The following MDGA2 variants were observed in gnomAD, a reference collection of about 807,000 sequenced individuals.
MDGA2 encodes MAM domain containing glycosylphosphatidylinositol anchor 2, also known as MAM domain-containing glycosylphosphatidylinositol anchor protein 2.
A neutral mutation model predicts 117.8 loss-of-function variants in MDGA2; 40 were observed. That is an observed-to-expected ratio of 0.34 (90% CI 0.26 to 0.44). The LOEUF (loss-of-function observed/expected upper bound fraction) is 0.44. MDGA2 is among the 20% of genes least tolerant of loss of function. The probability of loss-of-function intolerance (pLI) is 1.00; values close to 1 mark genes in which losing one functional copy is unlikely to be tolerated. For missense variants in MDGA2, 1,123 were observed against 1,250.6 expected, an observed-to-expected ratio of 0.90 and a Z score of 1.54; for synonymous variants, 452 against 439.0, an observed-to-expected ratio of 1.03 and a Z score of -0.37.
intron 8 of MDGA2, among the ~76,000 whole-genome samples, chr14:46,998,394 T>C (rs1007321917): frequency 2.0e-5 from 3 of 152,164 alleles, no homozygotes; most frequent in Admixed American, 6.6e-5. Context: ...CCTAGGGTTA[T>C]ATAAACATAC....
At chr14:47,059,240 G>T in intron 7 of MDGA2, 1 of 1,005,178 alleles carries the variant, frequency 9.9e-7, no homozygotes, top group Non-Finnish European at 1.4e-6. Context: ...TTATAGCAAT[G>T]AGTGATGCAG....
chr14:47,123,095 G>T (rs1262496788), intron 5 of MDGA2, among the ~76,000 whole-genome samples: 1 of 151,960 alleles, frequency 6.6e-6, no homozygotes, highest in Non-Finnish European at 1.5e-5. Context: ...TATTTGTATT[G>T]TGAGATGGCT....
At chr14:47,346,505 C>A (rs1416600329) in intron 1 of MDGA2, among the ~76,000 whole-genome samples, 1 of 152,144 alleles carries the variant, frequency 6.6e-6, no homozygotes, top group African/African-American at 2.4e-5. Context: ...AAATCCCTTT[C>A]TTTCTGACCT....
intron 1 of MDGA2, among the ~76,000 whole-genome samples, chr14:47,430,530 T>C (rs1259033721): frequency 6.6e-6 from 1 of 152,032 alleles, no homozygotes; most frequent in Non-Finnish European, 1.5e-5. Context: ...GTGTAAGAAA[T>C]TTTAAATACC....
chr14:47,314,299 T>C (rs1036776832), intron 1 of MDGA2, among the ~76,000 whole-genome samples: 36 of 152,164 alleles, frequency 2.4e-4, no homozygotes, highest in African/African-American at 8.7e-4. Flanking sequence ...ATTAATATTT[T>C]CTAGTTTATG....
chr14:47,365,479 T>C (rs1891212585), intron 1 of MDGA2, among the ~76,000 whole-genome samples: 1 of 152,268 alleles, frequency 6.6e-6, no homozygotes, highest in African/African-American at 2.4e-5. Flanking sequence ...CCCATTGCCA[T>C]TCGTAAGCTA....
intron 1 of MDGA2, among the ~76,000 whole-genome samples, chr14:47,665,088 GACT>G (rs1171309224): frequency 6.6e-6 from 1 of 151,938 alleles, no homozygotes; most frequent in Non-Finnish European, 1.5e-5. Context: ...CCCATTCCAG[GACT>G]ACTTTTCTTT....
intron 7 of MDGA2, among the ~76,000 whole-genome samples, chr14:47,057,460 C>T (rs1889719520): frequency 6.6e-6 from 1 of 151,702 alleles, no homozygotes. Flanking sequence ...AAAGGAAACA[C>T]TAATTTTAAA....
At chr14:46,900,178 AG>A (rs1259419312) in intron 10 of MDGA2, among the ~76,000 whole-genome samples, 3 of 152,180 alleles carry the variant, frequency 2.0e-5, no homozygotes, top group African/African-American at 7.2e-5. Context: ...CACACCTATC[AG>A]GATGGCTGAG....
rs572365146 is a variant in MDGA2, at chr14:47,608,247, C to T, written c.280+66270G>A. Among the ~76,000 whole-genome samples the T allele has an allele frequency of 3.5e-4, 54 of 152,178 alleles. No homozygotes were observed. In the South Asian group the frequency reaches 7.0e-3, roughly 20 times the overall value. On this transcript the variant is annotated intron_variant, in intron 1 of 16. Transcript: ENST00000399232. ...AGCACAAGTAGTTCCTCGTGAATTG[C>T]GCATCTTTTATTAAGACTTTTCCAC...
At chr14:47,107,494 T>C (rs1174872630) in intron 5 of MDGA2, among the ~76,000 whole-genome samples, 1 of 149,562 alleles carries the variant, frequency 6.7e-6, no homozygotes, top group Non-Finnish European at 1.5e-5. Context: ...CGCTTTCCCT[T>C]GGACTGACCC....
chr14:47,449,466 G>A (rs1039805444), intron 1 of MDGA2, among the ~76,000 whole-genome samples: 2 of 152,130 alleles, frequency 1.3e-5, no homozygotes, highest in African/African-American at 4.8e-5. Flanking sequence ...ATTGGCCACA[G>A]TGACTGTTTT....
Position 46,963,223 on chromosome 14 carries a change from T to G in MDGA2, c.1820-5580A>C, listed in dbSNP as rs142137824. On this transcript the variant is annotated intron_variant, in intron 8 of 16. Coordinates refer to ENST00000399232, the MANE Select transcript of MDGA2 (RefSeq NM_001113498.3). The stretch of plus-strand genomic sequence containing the variant: ...ATGATGATTCTACCTTAAAATATAT[T>G]AGGAGCTTATACATTTGTCACTATA... Among the ~76,000 whole-genome samples the G allele has an allele frequency of 3.4e-3, 519 of 152,294 alleles. 4 individuals are homozygous for G. Among genetic ancestry groups the G allele is most frequent in the African/African-American group, 0.012 (488 of 41,550 alleles).
At chr14:47,247,681 T>C (rs542083460) in intron 2 of MDGA2, among the ~76,000 whole-genome samples, 3 of 150,124 alleles carry the variant, frequency 2.0e-5, no homozygotes, top group Admixed American at 2.0e-4. Flanking sequence ...CTGGGATACA[T>C]GTGCAGAATG....
intron 1 of MDGA2, among the ~76,000 whole-genome samples, chr14:47,594,130 G>A (rs955174354): frequency 6.6e-6 from 1 of 152,162 alleles, no homozygotes; most frequent in African/African-American, 2.4e-5. Context: ...TCAGCATAGA[G>A]TGAAGCAATA....
intron 8 of MDGA2, among the ~76,000 whole-genome samples, chr14:46,980,438 C>T (rs966668953): frequency 6.6e-6 from 1 of 152,056 alleles, no homozygotes; most frequent in Non-Finnish European, 1.5e-5. Flanking sequence ...GTGAAGATGC[C>T]GTGAACATTG....
chr14:47,200,887 G>T, intron 3 of MDGA2: 1 of 861,692 alleles, frequency 1.2e-6, no homozygotes, highest in Non-Finnish European at 2.0e-6. Flanking sequence ...CCTTAAGGCA[G>T]TCCAGAGCGG....
intron 8 of MDGA2, among the ~76,000 whole-genome samples, chr14:47,025,574 A>C (rs903473009): frequency 1.3e-5 from 2 of 152,104 alleles, no homozygotes; most frequent in Non-Finnish European, 2.9e-5. Context: ...AGTCAGGGAC[A>C]TTTGGCAATG....
At chr14:47,367,849 A>G (rs1337743219) in intron 1 of MDGA2, among the ~76,000 whole-genome samples, 1 of 152,206 alleles carries the variant, frequency 6.6e-6, no homozygotes, top group Non-Finnish European at 1.5e-5. Context: ...CTATTACTAA[A>G]GCGATGTTCT....
Sources: allele counts gnomAD v4.1 joint callset (sites outside exome capture counted in the v4.1 genomes callset), GRCh38; gene constraint gnomAD v4.1.1; transcripts MANE v1.5; gene names NCBI Gene and HGNC (gene_info 2026-07-23, HGNC 2026-07-21).